Variants in FAM178B observed in about 807,000 individuals in gnomAD.
The protein encoded by FAM178B is protein FAM178B.
Under a neutral mutation model 91.7 loss-of-function variants are expected in FAM178B, and 82 were observed. That is an observed-to-expected ratio of 0.89 (90% confidence interval 0.75 to 1.07). FAM178B has a LOEUF of 1.07. Ranked by LOEUF, FAM178B falls within the 50% of genes least tolerant of loss-of-function variation. The probability of loss-of-function intolerance (pLI) is 0.00; values close to 1 mark genes in which losing one functional copy is unlikely to be tolerated. For missense variants in FAM178B, 769 were observed against 846.7 expected (o/e 0.91, Z 1.14); for synonymous variants, 368 against 359.4 (o/e 1.02, Z -0.27).
intron 12 of FAM178B, among the ~76,000 whole-genome samples, chr2:96,907,525 G>A (rs1182111115): frequency 1.3e-5 from 2 of 152,198 alleles, no homozygotes; most frequent in Non-Finnish European, 2.9e-5. Context: ...CTCCAGCCCT[G>A]GCGTGCACCA....
chr2:96,876,906 G>A (rs1325271067), intron 16 of FAM178B, among the ~76,000 whole-genome samples: 2 of 152,116 alleles, frequency 1.3e-5, no homozygotes, highest in African/African-American at 4.8e-5. Flanking sequence ...CCAGCACAGG[G>A]GCTGAAGTTG....
intron 1 of FAM178B, among the ~76,000 whole-genome samples, chr2:96,985,672 ACTG>A (rs1468594614): frequency 1.3e-5 from 2 of 152,200 alleles, no homozygotes; most frequent in African/African-American, 4.8e-5. Context: ...TTCTGCGAAT[ACTG>A]CTTTTTCAAG....
intron 8 of FAM178B, 53 bp downstream of exon 8, chr2:96,947,765 C>T (rs2081853888): frequency 9.3e-7 from 1 of 1,073,100 alleles, no homozygotes; most frequent in South Asian, 1.4e-5. Flanking sequence ...AGTCACGTAT[C>T]ACAGGCTTGG....
intron 9 of FAM178B, among the ~76,000 whole-genome samples, chr2:96,927,916 C>A (rs2081472317): frequency 6.6e-6 from 1 of 152,240 alleles, no homozygotes; most frequent in Non-Finnish European, 1.5e-5. Flanking sequence ...CTCCCCCGCT[C>A]ATCCAAGACG....
intron 11 of FAM178B, 65 bp downstream of exon 11, chr2:96,921,413 T>A: frequency 6.5e-7 from 1 of 1,538,364 alleles, no homozygotes; most frequent in African/African-American, 1.4e-5. Context: ...CCCAGGGCAC[T>A]CTAGGGGCCA....
intron 6 of FAM178B, among the ~76,000 whole-genome samples, chr2:96,953,990 G>A (rs2081964384): frequency 6.6e-6 from 1 of 152,336 alleles, no homozygotes; most frequent in African/African-American, 2.4e-5. Flanking sequence ...AAGCTCAAAC[G>A]CCTTGGGTGA....
At chr2:96,893,541 C>G (rs527434776) in intron 14 of FAM178B, among the ~76,000 whole-genome samples, 2 of 152,070 alleles carry the variant, frequency 1.3e-5, no homozygotes, top group Non-Finnish European at 2.9e-5. Context: ...ATGCCCTGCA[C>G]GTCGAGACAA....
intron 12 of FAM178B, among the ~76,000 whole-genome samples, chr2:96,906,526 C>T (rs771856330): frequency 3.7e-4 from 57 of 152,176 alleles, no homozygotes; most frequent in Non-Finnish European, 6.5e-4. Context: ...GCCTCAACCC[C>T]CTCCTGTGCA....
In FAM178B at chr2:96,936,826, T is replaced by TA. The variant is rs1574274894; in HGVS notation, c.1079-7507dup. ...ACACCTGGCTAACAAAAGCGTTCTTTAAAAAAATAACAACAGGAGGGGGGT... is the reference window on the plus strand; with the variant it reads ...ACACCTGGCTAACAAAAGCGTTCTTTAAAAAAAATAACAACAGGAGGGGGGT... On this transcript the variant is annotated intron_variant, in intron 8 of 16. Coordinates refer to ENST00000490605, the MANE Select transcript of FAM178B (RefSeq NM_001122646.3). Among the ~76,000 whole-genome samples, 9 of 151,734 alleles carry TA rather than the reference T, an allele frequency of 5.9e-5. No individual in the cohort carries two copies. The South Asian group carries it at 1.3e-3, about 21-fold the overall frequency.
At chr2:96,888,776 C>T (rs1200692997) in intron 14 of FAM178B, among the ~76,000 whole-genome samples, 1 of 152,238 alleles carries the variant, frequency 6.6e-6, no homozygotes. Context: ...GCAGAGGCCA[C>T]ACCCTCTGCA....
intron 9 of FAM178B, among the ~76,000 whole-genome samples, chr2:96,927,009 A>C (rs1490081636): frequency 6.6e-6 from 1 of 152,260 alleles, no homozygotes; most frequent in Non-Finnish European, 1.5e-5. Context: ...GCCAGCTCGC[A>C]CAAGACAGCC....
intron 1 of FAM178B, among the ~76,000 whole-genome samples, chr2:96,978,631 T>C (rs2082321919): frequency 6.7e-6 from 1 of 148,658 alleles, no homozygotes; most frequent in East Asian, 1.9e-4. Flanking sequence ...ATTTCTTCTT[T>C]TTTTTTTTTT....
chr2:96,962,158 T>C (rs2082089072), intron 5 of FAM178B, among the ~76,000 whole-genome samples: 1 of 152,028 alleles, frequency 6.6e-6, no homozygotes. Context: ...AAAAATTAGC[T>C]GGGCGTGGTA....
At chr2:96,910,956 C>T (rs1467893354) in intron 12 of FAM178B, among the ~76,000 whole-genome samples, 4 of 152,132 alleles carry the variant, frequency 2.6e-5, no homozygotes, top group South Asian at 4.2e-4. Context: ...TTAGTAGACC[C>T]GGGGTTTCAC....
chr2:96,955,525 A>C (rs1009044343), intron 6 of FAM178B, among the ~76,000 whole-genome samples: 2 of 151,682 alleles, frequency 1.3e-5, no homozygotes, highest in Non-Finnish European at 2.9e-5. Flanking sequence ...AAAAAGAAAA[A>C]AAAAATTAGC....
chr2:96,921,825 C>A lies in FAM178B; in HGVS notation c.1288-171G>T, dbSNP rs2081346021. Reference sequence around the variant, plus strand: ...GAGGCCCCTGCAGGGTCCTGGGTGGCAGGCACAGGTGTGGAGAGTGTGCTT... The same window carrying A: ...GAGGCCCCTGCAGGGTCCTGGGTGGAAGGCACAGGTGTGGAGAGTGTGCTT... On this transcript the variant is annotated intron_variant, in intron 10 of 16. Transcript: ENST00000490605. Among the ~76,000 whole-genome samples the A allele has an allele frequency of 6.6e-6, 1 of 152,148 alleles. No individual in the cohort carries two copies. Among genetic ancestry groups the A allele is most frequent in the African/African-American group, 2.4e-5 (1 of 41,418 alleles).
chr2:96,887,215 AAAC>A (rs36102912), intron 14 of FAM178B, among the ~76,000 whole-genome samples: 21 of 150,940 alleles, frequency 1.4e-4, no homozygotes, highest in South Asian at 8.5e-4. Context: ...ACTCTATCTC[AAAC>A]AACAACAACA....
At chr2:96,914,723 T>C (rs2081213604) in intron 12 of FAM178B, among the ~76,000 whole-genome samples, 1 of 152,126 alleles carries the variant, frequency 6.6e-6, no homozygotes, top group Admixed American at 6.5e-5. Context: ...ATCCTGTCTC[T>C]ACAAAAACTT....
At chr2:96,933,231 A>G (rs1168300956) in intron 8 of FAM178B, among the ~76,000 whole-genome samples, 1 of 152,138 alleles carries the variant, frequency 6.6e-6, no homozygotes, top group African/African-American at 2.4e-5. Flanking sequence ...CAACAAAGCG[A>G]GACTCCGTTT....
Sources: gnomAD v4.1 joint callset for allele counts (sites outside exome capture counted in the v4.1 genomes callset) on GRCh38, gnomAD v4.1.1 for gene constraint, MANE v1.5 for transcripts, NCBI Gene and HGNC (gene_info 2026-07-23, HGNC 2026-07-21) for gene names.